OGFOD1: variants seen among roughly 807,000 people sequenced by gnomAD.
OGFOD1 encodes the protein 2-oxoglutarate and iron dependent oxygenase domain containing 1.
OGFOD1 carries 54 observed loss-of-function variants against 67.7 expected under a neutral mutation model. The ratio of observed to expected loss-of-function variants is 0.80; its 90% CI spans 0.64 to 1.00. The LOEUF (loss-of-function observed/expected upper bound fraction) is 1.00. Ranked by LOEUF, OGFOD1 falls within the 50% of genes least tolerant of loss-of-function variation. The probability of loss-of-function intolerance (pLI) is 0.00; values close to 1 mark genes in which losing one functional copy is unlikely to be tolerated. For missense variants in OGFOD1, 606 were observed against 646.7 expected, an observed-to-expected ratio of 0.94 and a Z score of 0.68; for synonymous variants, 221 against 227.0, an observed-to-expected ratio of 0.97 and a Z score of 0.24.
At chr16:56,467,142 T>C in intron 6 of OGFOD1, 23 bp from the exon 7 acceptor site, 1 of 1,614,088 alleles carries the variant, frequency 6.2e-7, no homozygotes, top group Middle Eastern at 1.6e-4. Flanking sequence ...CGTGTTGATG[T>C]GCTACTGGGC....
chr16:56,475,543 T>A lies in OGFOD1; in HGVS notation c.1445T>A (p.Ile482Asn). ...EPEYGGFTSY[I>N]AKGEDEELLT... ...GAATATGGCGGTTTTACTTCTTACA[T>A]TGCCAAAGGTGAAGATGAAGAGGTA... is the stretch of plus-strand genomic sequence containing the variant. The change falls in exon 12 of 13, where the codon ATT (isoleucine) becomes AAT (asparagine). Residue 482 changes from isoleucine to asparagine, a missense_variant. Transcript: ENST00000566157. 1 of 1,614,058 alleles carries A rather than the reference T, an allele frequency of 6.2e-7. No individual in the cohort carries two copies. Among genetic ancestry groups the A allele is most frequent in the South Asian group, 1.1e-5 (1 of 91,074 alleles).
At chr16:56,467,328 C>CTA (rs770512301) in intron 7 of OGFOD1, 35 bp downstream of exon 7, 2 of 1,607,950 alleles carry the variant, frequency 1.2e-6, no homozygotes, top group Non-Finnish European at 1.7e-6. Context: ...ATCTTAGGAG[C>CTA]TATAGCATAT....
Position 56,467,810 on chromosome 16 carries a change from AGGATTTG to A in OGFOD1, c.787-94_787-88del, listed in dbSNP as rs1962968866. On this transcript the variant is annotated intron_variant, in intron 7 of 12. Transcript: ENST00000566157. ...TTTAATAGGAGAAACTTATAAAATG[AGGATTTG>A]CATGTATTTTATTAGTGTGAAATGA... The A allele has an allele frequency of 4.2e-6, 3 of 720,438 alleles. No individual in the cohort carries two copies. The East Asian group carries it at 7.7e-5, about 18-fold the overall frequency. 44.6% of individuals were successfully genotyped at this position (720,438 alleles called of 1,614,324 possible). A position where few individuals can be genotyped will look rare whatever the true frequency, so the allele number is the denominator to read the frequency against.
At chr16:56,451,859 G>A (rs1257122698) in intron 1 of OGFOD1, 93 bp downstream of exon 1, 3 of 1,430,250 alleles carry the variant, frequency 2.1e-6, no homozygotes, top group South Asian at 2.7e-5. Flanking sequence ...GGGCAGCGGG[G>A]CCGCAAGGGA....
At position 56,475,571 on chromosome 16, in the gene OGFOD1, T is replaced by C. The variant is rs1963431310; in HGVS notation, c.1467+6T>C. The C allele has an allele frequency of 1.2e-6, 2 of 1,612,528 alleles. No individual in the cohort carries two copies. Among genetic ancestry groups the C allele is most frequent in the Non-Finnish European group, 1.7e-6 (2 of 1,178,656 alleles). On this transcript the variant is annotated splice_donor_region_variant and intron_variant, in intron 12 of 12. Transcript: ENST00000566157. The stretch of plus-strand genomic sequence containing the variant: ...CCAAAGGTGAAGATGAAGAGGTAAG[T>C]TTCTTCTGATAGCAAACTATCATTT...
At position 56,462,415 on chromosome 16, in the gene OGFOD1, A is replaced by C. The variant is rs1962740980; in HGVS notation, c.348-119A>C. On this transcript the variant is annotated intron_variant, in intron 3 of 12. Transcript: ENST00000566157. The stretch of plus-strand genomic sequence containing the variant: ...AGAATGTCTCAAATGAGATCGGAGA[A>C]TGGATCTCTTGAATACAATGTGATC... 1.4e-5 allele frequency: 9 copies of C among 642,764 alleles called. No individual in the cohort carries two copies. The South Asian group carries it at 1.7e-4, about 12-fold the overall frequency. 39.8% of individuals were successfully genotyped at this position (642,764 alleles called of 1,614,324 possible).
At chr16:56,475,093 T>C in intron 11 of OGFOD1, 143 bp downstream of exon 11, 1 of 847,520 alleles carries the variant, frequency 1.2e-6, no homozygotes, top group Non-Finnish European at 1.8e-6. Flanking sequence ...TCAAAGGGAT[T>C]TTACGGGTCA....
intron 3 of OGFOD1, chr16:56,458,955 G>A (rs1222936056): frequency 1.5e-5 from 3 of 205,010 alleles, no homozygotes; most frequent in African/African-American, 7.1e-5. Context: ...TTTATACACT[G>A]CTGTAGTCTT....
chr16:56,455,927 A>G (rs1029717941), intron 2 of OGFOD1, among the ~76,000 whole-genome samples: 1 of 152,036 alleles, frequency 6.6e-6, no homozygotes, highest in Non-Finnish European at 1.5e-5. Flanking sequence ...GTTTCCCTTC[A>G]GCTACCATCC....
rs528964440 is a variant in OGFOD1 at position 56,467,515 on chromosome 16, C to T, written c.786+222C>T. On this transcript the variant is annotated intron_variant, in intron 7 of 12. Transcript: ENST00000566157. ...GATCTTGGCTCACTACAACCTCCACCTCCTGGGTTCAAGCGATTCTCCTGC... is the reference window on the plus strand; with the variant it reads ...GATCTTGGCTCACTACAACCTCCACTTCCTGGGTTCAAGCGATTCTCCTGC... Among the ~76,000 whole-genome samples the T allele has an allele frequency of 1.5e-3, 221 of 151,658 alleles. 1 individual carries two copies. Among genetic ancestry groups the T allele is most frequent in the African/African-American group, 4.8e-3 (197 of 41,332 alleles).
At chr16:56,470,313 T>C in intron 9 of OGFOD1, 174 bp from the exon 10 acceptor site, 1 of 679,340 alleles carries the variant, frequency 1.5e-6, no homozygotes, top group Non-Finnish European at 2.5e-6. Context: ...GGACATCCAG[T>C]AGCAGGATGT....
chr16:56,459,851 G>A (rs1962651852), intron 3 of OGFOD1, among the ~76,000 whole-genome samples: 1 of 152,076 alleles, frequency 6.6e-6, no homozygotes, highest in Non-Finnish European at 1.5e-5. Context: ...GAAAAATAGA[G>A]TATTTAACTC....
intron 2 of OGFOD1, 63 bp downstream of exon 2, chr16:56,453,471 GA>G: frequency 6.5e-7 from 1 of 1,539,994 alleles, no homozygotes; most frequent in Non-Finnish European, 8.8e-7. Context: ...TGAAGTCATT[GA>G]ATACCTTTAG....
At position 56,470,474 on chromosome 16, in the gene OGFOD1, T is replaced by G. The variant is rs368111435; in HGVS notation, c.981-13T>G. ...GTGGCTTTGATGAACAACTTGACAT[T>G]GCTGTTTTTCAGGTTTTATGAGAAA... On this transcript the variant is annotated splice_polypyrimidine_tract_variant and intron_variant, in intron 9 of 12. Coordinates refer to ENST00000566157, the MANE Select transcript of OGFOD1 (RefSeq NM_018233.4). The G allele has an allele frequency of 1.9e-6, 3 of 1,589,454 alleles. No individual in the cohort carries two copies. The highest frequency in any genetic ancestry group is 1.7e-6 in the Non-Finnish European group (2 of 1,169,602).
intron 10 of OGFOD1, among the ~76,000 whole-genome samples, chr16:56,471,406 G>A (rs1433365172): frequency 2.0e-5 from 3 of 151,718 alleles, no homozygotes; most frequent in African/African-American, 4.8e-5. Context: ...CCTCTTAGGC[G>A]AATAGATGAT....
chr16:56,458,706 C>A, intron 3 of OGFOD1, 112 bp downstream of exon 3: 1 of 913,760 alleles, frequency 1.1e-6, no homozygotes, highest in Non-Finnish European at 1.7e-6. Flanking sequence ...CATTGTTAAC[C>A]CACTTTGTAG....
intron 7 of OGFOD1, among the ~76,000 whole-genome samples, 159 bp from the exon 8 acceptor site, chr16:56,467,746 C>T (rs1420566946): frequency 6.6e-6 from 1 of 152,046 alleles, no homozygotes; most frequent in African/African-American, 2.4e-5. Flanking sequence ...CTTAAGTAAA[C>T]TTTTGAGAGT....
intron 1 of OGFOD1, 64 bp from the exon 2 acceptor site, chr16:56,453,199 A>C (rs1432911530): frequency 7.2e-6 from 11 of 1,520,410 alleles, no homozygotes; most frequent in Admixed American, 3.9e-5. Flanking sequence ...TAGCTCTGCT[A>C]TGTTACTTGG....
In OGFOD1 at chr16:56,471,306, G is replaced by C. The variant is rs554669800; in HGVS notation, c.1285+515G>C. 3.3e-5 allele frequency among the ~76,000 whole-genome samples: 5 copies of C among 151,452 alleles called. No homozygotes were observed. In the East Asian group the frequency reaches 9.7e-4, roughly 29 times the overall value. ...GAACCGGGGAGGAGGAGGTTGCAGT[G>C]AGTCGAGATTGCACCATTGCACTCC... On this transcript the variant is annotated intron_variant, in intron 10 of 12. Transcript: ENST00000566157.
Sources: gnomAD v4.1 joint callset for allele counts (sites outside exome capture counted in the v4.1 genomes callset) on GRCh38, gnomAD v4.1.1 for gene constraint, MANE v1.5 for transcripts, NCBI Gene and HGNC (gene_info 2026-07-23, HGNC 2026-07-21) for gene names.